The following STIL variants were observed in gnomAD, a reference collection of about 807,000 sequenced individuals.
STIL encodes STIL centriolar assembly protein.
In STIL, 55 loss-of-function variants were observed where a neutral mutation model predicts 110.1. That is an observed-to-expected ratio of 0.50 (90% CI 0.40 to 0.63). The LOEUF is 0.63. Among genes scored for constraint, STIL ranks in the 20% least tolerant of loss-of-function variants. STIL has a pLI of 0.00. For missense variants in STIL, 1,358 were observed against 1,530.0 expected (o/e 0.89, Z 1.87); for synonymous variants, 481 against 530.0 (o/e 0.91, Z 1.27).
At position 47,295,254 on chromosome 1, in the gene STIL, T is replaced by C. The variant is rs553951353; in HGVS notation, c.785+511A>G. On this transcript the variant is annotated intron_variant, in intron 7 of 16. Transcript: ENST00000371877. ...GCCTGGCCATAGAATTAAGCTTTTA[T>C]CTGTTTTATATGTTAGAGTTCTTCC... Among the ~76,000 whole-genome samples, 8 of 152,152 alleles carry C rather than the reference T, an allele frequency of 5.3e-5. No individual in the cohort carries two copies. In the South Asian group the frequency reaches 1.5e-3, roughly 28 times the overall value.
chr1:47,290,332 CTA>C (rs758200204), intron 8 of STIL, among the ~76,000 whole-genome samples: 2 of 152,170 alleles, frequency 1.3e-5, no homozygotes, highest in Non-Finnish European at 2.9e-5. Context: ...AAAACCGTTA[CTA>C]TATATCATCA....
chr1:47,273,021 G>A (rs1190516740), intron 12 of STIL, among the ~76,000 whole-genome samples: 1 of 152,064 alleles, frequency 6.6e-6, no homozygotes, highest in Non-Finnish European at 1.5e-5. Context: ...ATTACTATAG[G>A]CTTTTATGTA....
chr1:47,291,067 T>C lies in STIL; in HGVS notation c.873-1482A>G, dbSNP rs1182070252. ...CGGCCTCCCTGACCACCTATTTAAA[T>C]TGCAACTCTTGGCCGGGTGCAGTGG... is the stretch of plus-strand genomic sequence containing the variant. On this transcript the variant is annotated intron_variant, in intron 8 of 16. Coordinates refer to ENST00000371877, the MANE Select transcript of STIL (RefSeq NM_001048166.1). 2.0e-5 allele frequency among the ~76,000 whole-genome samples: 3 copies of C among 151,962 alleles called. No individual in the cohort carries two copies. The East Asian group carries it at 5.8e-4, about 29-fold the overall frequency.
chr1:47,293,557 G>C lies in STIL; in HGVS notation c.786-13C>G. 1 of 1,604,676 alleles carries C rather than the reference G, an allele frequency of 6.2e-7. No homozygotes were observed. Among genetic ancestry groups the C allele is most frequent in the Admixed American group, 1.7e-5 (1 of 59,934 alleles). ...TCCAGACAGCCAACTAAAAGAAAAAGATAGAAATTAAAAACCATAGTCACT... is the reference window on the plus strand; with the variant it reads ...TCCAGACAGCCAACTAAAAGAAAAACATAGAAATTAAAAACCATAGTCACT... On this transcript the variant is annotated splice_polypyrimidine_tract_variant and intron_variant, in intron 7 of 16. Transcript: ENST00000371877.
intron 12 of STIL, among the ~76,000 whole-genome samples, chr1:47,276,732 C>A (rs1645002268): frequency 6.7e-6 from 1 of 148,676 alleles, no homozygotes; most frequent in African/African-American, 2.5e-5. Flanking sequence ...TTGCTTCAAC[C>A]CCGGGGGGCA....
chr1:47,307,900 G>A (rs1465318029), intron 2 of STIL, among the ~76,000 whole-genome samples: 1 of 152,188 alleles, frequency 6.6e-6, no homozygotes, highest in Non-Finnish European at 1.5e-5. Context: ...GGTCGAGATT[G>A]CAGAGGTGAA....
At position 47,310,295 on chromosome 1, in the gene STIL, G is replaced by A. The variant is rs762659511; in HGVS notation, c.25C>T (p.Arg9Trp). 6.8e-6 allele frequency: 11 copies of A among 1,612,596 alleles called. No homozygotes were observed. Among genetic ancestry groups the A allele is most frequent in the Admixed American group, 5.0e-5 (3 of 59,960 alleles). Residue 9 changes from arginine to tryptophan, a missense_variant, in exon 2 of 17, where the codon CGG becomes TGG. Coordinates refer to ENST00000371877, the MANE Select transcript of STIL (RefSeq NM_001048166.1). The part of the protein sequence containing the change: MEPIYPFA[R>W]PQMNTRFPSS... ...CTATACCTGGTATTCATCTGGGGCC[G>A]TGCAAAAGGATATATAGGCTCCATG...
At position 47,300,172 on chromosome 1, in the gene STIL, T is replaced by C; in HGVS notation, c.454-20A>G. The C allele has an allele frequency of 6.2e-7, 1 of 1,605,554 alleles. No homozygotes were observed. Among genetic ancestry groups the C allele is most frequent in the Non-Finnish European group, 8.5e-7 (1 of 1,176,058 alleles). On this transcript the variant is annotated intron_variant, in intron 5 of 16. Coordinates refer to ENST00000371877, the MANE Select transcript of STIL (RefSeq NM_001048166.1). The stretch of plus-strand genomic sequence containing the variant: ...TAGAGCCTGAGAAATCAATATTAAA[T>C]AATTATTTTAAAACTTTGAAATGTG...
chr1:47,269,613 G>A (rs202126490), intron 14 of STIL, 22 bp downstream of exon 14: 6 of 1,607,408 alleles, frequency 3.7e-6, no homozygotes, highest in Middle Eastern at 1.7e-4. Context: ...TAGGATGAAA[G>A]ACTAAATCAA....
At chr1:47,294,207 G>A (rs112583726) in intron 7 of STIL, among the ~76,000 whole-genome samples, 26 of 152,188 alleles carry the variant, frequency 1.7e-4, no homozygotes, top group African/African-American at 6.0e-4. Flanking sequence ...GTCTTCTCTA[G>A]GAAAATGCTC....
Position 47,305,064 on chromosome 1 carries a change from CAACT to C in STIL, c.45-72_45-69del, listed in dbSNP as rs772067544. 35 of 1,045,772 alleles carry C rather than the reference CAACT, an allele frequency of 3.3e-5. No homozygotes were observed. The Middle Eastern group carries it at 6.0e-4, about 18-fold the overall frequency. 64.8% of individuals were successfully genotyped at this position (1,045,772 alleles called of 1,614,324 possible). ...AACTTGGTAGACATTTGGTAGGAAA[CAACT>C]AACTATCTTTAAGGTGATGGTATTT... On this transcript the variant is annotated intron_variant, in intron 2 of 16. Coordinates refer to ENST00000371877, the MANE Select transcript of STIL (RefSeq NM_001048166.1).
chr1:47,253,947 G>C (rs1644255980), intron 16 of STIL, among the ~76,000 whole-genome samples: 1 of 152,092 alleles, frequency 6.6e-6, no homozygotes, highest in East Asian at 1.9e-4. Context: ...GGGAGGCCGA[G>C]GTGAGCAGAT....
chr1:47,278,336 T>C (rs1645048807), intron 12 of STIL, among the ~76,000 whole-genome samples: 1 of 152,122 alleles, frequency 6.6e-6, no homozygotes, highest in South Asian at 2.1e-4. Context: ...ATAAGATACT[T>C]TTTAAAAAGT....
In STIL at chr1:47,251,574, G is replaced by C; in HGVS notation, c.3429C>G (p.Pro1143=). The change falls in exon 17 of 17, where the codon CCC becomes CCG. Residue 1143 remains proline (P), a synonymous_variant. Coordinates refer to ENST00000371877, the MANE Select transcript of STIL (RefSeq NM_001048166.1). ...ATTCACTCTTGCTATCTGCATTGTC[G>C]GGAGGTTCCTCTTCATCTTCACTAT... ...SDNSEDEEEP[P]DNADSKSEYL... 1 of 1,613,776 alleles carries C rather than the reference G, an allele frequency of 6.2e-7. No homozygotes were observed. Among genetic ancestry groups the C allele is most frequent in the Non-Finnish European group, 8.5e-7 (1 of 1,179,850 alleles).
Position 47,250,788 on chromosome 1 carries a change from A to G in STIL, c.*348T>C. 1 of 213,312 alleles carries G rather than the reference A, an allele frequency of 4.7e-6. No homozygotes were observed. Among genetic ancestry groups the G allele is most frequent in the East Asian group, 7.9e-5 (1 of 12,734 alleles). The allele number at this position is 213,312 out of a possible 1,614,324, so 13.2% of individuals were successfully genotyped here. Reference sequence around the variant, plus strand: ...ATCTGAGATCCTGCCATTGCACTCCAGCCTGGGCTACAAGAGCAAAACTCC... The same window carrying G: ...ATCTGAGATCCTGCCATTGCACTCCGGCCTGGGCTACAAGAGCAAAACTCC... On this transcript the variant is annotated 3_prime_UTR_variant, in exon 17 of 17. Coordinates refer to ENST00000371877, the MANE Select transcript of STIL (RefSeq NM_001048166.1).
At position 47,269,013 on chromosome 1, in the gene STIL, C is replaced by T. The variant is rs539248597; in HGVS notation, c.2615+622G>A. ...ACGGGAGGCAGGAGAATGGCGTGAA[C>T]CCGGGAGGTGGAGATTGCAGTGAGC... On this transcript the variant is annotated intron_variant, in intron 14 of 16. Coordinates refer to ENST00000371877, the MANE Select transcript of STIL (RefSeq NM_001048166.1). Among the ~76,000 whole-genome samples the T allele has an allele frequency of 7.6e-4, 116 of 151,690 alleles. 4 individuals are homozygous for T. In the East Asian group the frequency reaches 0.022, roughly 28 times the overall value.
intron 9 of STIL, 136 bp from the exon 10 acceptor site, chr1:47,287,796 A>G (rs1346318825): frequency 2.8e-6 from 2 of 709,388 alleles, no homozygotes; most frequent in East Asian, 5.5e-5. Flanking sequence ...TCTTTTGTAA[A>G]CTGTCCAGTT....
intron 11 of STIL, among the ~76,000 whole-genome samples, chr1:47,281,576 C>A (rs1452974931): frequency 6.6e-6 from 1 of 151,930 alleles, no homozygotes; most frequent in African/African-American, 2.4e-5. Context: ...TTGTCACAAG[C>A]AGAATGTTTT....
chr1:47,265,503 G>A (rs1033324499), intron 14 of STIL, among the ~76,000 whole-genome samples: 2 of 151,654 alleles, frequency 1.3e-5, no homozygotes, highest in Non-Finnish European at 2.9e-5. Flanking sequence ...AGAGTTGGCC[G>A]GGCATGGTGA....
Sources: gnomAD v4.1 joint callset for allele counts (sites outside exome capture counted in the v4.1 genomes callset) on GRCh38, gnomAD v4.1.1 for gene constraint, MANE v1.5 for transcripts, NCBI Gene and HGNC (gene_info 2026-07-23, HGNC 2026-07-21) for gene names.